The following KCNIP4 variants were observed in gnomAD, a reference collection of about 807,000 sequenced individuals.
The protein encoded by KCNIP4 is potassium voltage-gated channel interacting protein 4, also known as Kv channel-interacting protein 4.
Under a neutral mutation model 34.0 loss-of-function variants are expected in KCNIP4, and 12 were observed. That is an observed-to-expected ratio of 0.35 (90% CI 0.23 to 0.57). The LOEUF (loss-of-function observed/expected upper bound fraction) is 0.57. Among genes scored for constraint, KCNIP4 ranks in the 20% least tolerant of loss-of-function variants. KCNIP4 has a pLI of 0.83. For synonymous variants in KCNIP4, 124 were observed against 102.2 expected (o/e 1.21, Z -1.29); for missense variants, 238 against 311.7 (o/e 0.76, Z 1.78).
At chr4:20,850,763 T>C (rs950044720) in intron 2 of KCNIP4, 96 bp from the exon 3 acceptor site, 26 of 1,388,082 alleles carry the variant, frequency 1.9e-5, no homozygotes, top group African/African-American at 2.9e-5. Context: ...TGTCTGCTAA[T>C]GTCTGTGACT....
intron 1 of KCNIP4, among the ~76,000 whole-genome samples, chr4:21,486,906 G>A (rs373502906): frequency 6.6e-6 from 1 of 151,494 alleles, no homozygotes; most frequent in Non-Finnish European, 1.5e-5. Flanking sequence ...CTGGGCTCAA[G>A]TGATCCTCGG....
intron 1 of KCNIP4, among the ~76,000 whole-genome samples, chr4:21,013,321 T>G (rs1484681913): frequency 6.6e-6 from 1 of 151,742 alleles, no homozygotes; most frequent in Non-Finnish European, 1.5e-5. Flanking sequence ...GGAGGTAGAG[T>G]GGGAACCAGA....
rs193039971 is a variant in KCNIP4, at chr4:21,602,768, G to A, written c.61+345803C>T. Among the ~76,000 whole-genome samples the A allele has an allele frequency of 2.9e-3, 443 of 152,072 alleles. 1 individual carries two copies. The highest frequency in any genetic ancestry group is 5.4e-3 in the Non-Finnish European group (367 of 67,970). ...GTAACTGTACTTACCTAAATTGATA[G>A]GTTCAGAATAAAGAAGGAAGAGTAT... is the stretch of plus-strand genomic sequence containing the variant. On this transcript the variant is annotated intron_variant, in intron 1 of 8. Coordinates refer to ENST00000382152, the MANE Select transcript of KCNIP4 (RefSeq NM_025221.6).
chr4:21,937,950 T>C (rs1176341288), intron 1 of KCNIP4, among the ~76,000 whole-genome samples: 1 of 152,162 alleles, frequency 6.6e-6, no homozygotes. Flanking sequence ...TTGAAATCTA[T>C]CAGTAGTTTT....
At position 21,019,762 on chromosome 4, in the gene KCNIP4, C is replaced by T. The variant is rs1002255481; in HGVS notation, c.62-137053G>A. On this transcript the variant is annotated intron_variant, in intron 1 of 8. Coordinates refer to ENST00000382152, the MANE Select transcript of KCNIP4 (RefSeq NM_025221.6). ...CCTCCCAATTTACTAAAATCATTGC[C>T]ATTACTTTATTAGAATTAATTTATA... 5.9e-5 allele frequency among the ~76,000 whole-genome samples: 9 copies of T among 152,098 alleles called. No individual in the cohort carries two copies. The East Asian group carries it at 1.4e-3, about 23-fold the overall frequency.
At chr4:21,830,503 C>G (rs1015576352) in intron 1 of KCNIP4, among the ~76,000 whole-genome samples, 39 of 151,944 alleles carry the variant, frequency 2.6e-4, no homozygotes, top group African/African-American at 8.9e-4. Context: ...CAATGAAACC[C>G]CGTTTCTACT....
At chr4:21,173,113 G>A (rs1181486846) in intron 1 of KCNIP4, among the ~76,000 whole-genome samples, 1 of 152,126 alleles carries the variant, frequency 6.6e-6, no homozygotes, top group Non-Finnish European at 1.5e-5. Context: ...TCTTCCAAGA[G>A]CGCATCTGAT....
At chr4:21,385,028 A>G (rs149322594) in intron 1 of KCNIP4, among the ~76,000 whole-genome samples, 20 of 152,258 alleles carry the variant, frequency 1.3e-4, no homozygotes, top group African/African-American at 4.6e-4. Context: ...ACTTTATGGA[A>G]CAGGGTTTCC....
chr4:20,853,011 A>G (rs1335480534), intron 2 of KCNIP4, among the ~76,000 whole-genome samples: 1 of 152,192 alleles, frequency 6.6e-6, no homozygotes, highest in Non-Finnish European at 1.5e-5. Context: ...CATGCTGGGT[A>G]GAATCATGGA....
chr4:21,948,142 AG>A (rs1176721402), intron 1 of KCNIP4, among the ~76,000 whole-genome samples: 3 of 152,230 alleles, frequency 2.0e-5, no homozygotes, highest in African/African-American at 7.2e-5. Flanking sequence ...GTTGTAATGA[AG>A]AAACGTGTGG....
chr4:20,950,244 T>C (rs1236047109), intron 1 of KCNIP4, among the ~76,000 whole-genome samples: 1 of 152,012 alleles, frequency 6.6e-6, no homozygotes, highest in Non-Finnish European at 1.5e-5. Flanking sequence ...AGAATACATG[T>C]CTTCCTTACC....
At chr4:21,077,135 A>G (rs986856108) in intron 1 of KCNIP4, among the ~76,000 whole-genome samples, 1 of 152,014 alleles carries the variant, frequency 6.6e-6, no homozygotes, top group African/African-American at 2.4e-5. Flanking sequence ...CAAAAATAAA[A>G]TAAAATAAAT....
chr4:21,909,343 G>T (rs1161848311), intron 1 of KCNIP4, among the ~76,000 whole-genome samples: 2 of 151,886 alleles, frequency 1.3e-5, no homozygotes, highest in Non-Finnish European at 2.9e-5. Context: ...TTCTCCCCCT[G>T]CCTGGAATTT....
chr4:21,311,091 C>A lies in KCNIP4; in HGVS notation c.62-428382G>T, dbSNP rs571379276. Reference sequence around the variant, plus strand: ...TTGCTGAGATAAGTCATACAAAGCACTTAGAACAGAGACTGTCACTGTGTA... The same window carrying A: ...TTGCTGAGATAAGTCATACAAAGCAATTAGAACAGAGACTGTCACTGTGTA... On this transcript the variant is annotated intron_variant, in intron 1 of 8. Coordinates refer to ENST00000382152, the MANE Select transcript of KCNIP4 (RefSeq NM_025221.6). 2.0e-3 allele frequency among the ~76,000 whole-genome samples: 299 copies of A among 152,288 alleles called. 1 individual carries two copies. Among genetic ancestry groups the A allele is most frequent in the Non-Finnish European group, 3.5e-3 (237 of 68,014 alleles).
intron 1 of KCNIP4, among the ~76,000 whole-genome samples, chr4:21,567,582 T>A (rs1293409641): frequency 6.6e-6 from 1 of 152,202 alleles, no homozygotes; most frequent in African/African-American, 2.4e-5. Context: ...GATTTTCTGA[T>A]GTGTACAATG....
At chr4:20,786,003 G>C (rs1037325256) in intron 3 of KCNIP4, among the ~76,000 whole-genome samples, 1 of 152,192 alleles carries the variant, frequency 6.6e-6, no homozygotes, top group Non-Finnish European at 1.5e-5. Context: ...GCACTCATAC[G>C]TTTATCACAG....
intron 1 of KCNIP4, among the ~76,000 whole-genome samples, chr4:21,458,027 T>C (rs935253304): frequency 4.6e-5 from 7 of 151,764 alleles, no homozygotes; most frequent in Non-Finnish European, 7.4e-5. Flanking sequence ...AGTTTTAGGG[T>C]ACACGTGCTC....
rs939503977 is a variant in KCNIP4, at chr4:20,805,195, T to C, written c.288+45348A>G. On this transcript the variant is annotated intron_variant, in intron 3 of 8. Coordinates refer to ENST00000382152, the MANE Select transcript of KCNIP4 (RefSeq NM_025221.6). Reference sequence around the variant, plus strand: ...ATATCATAGATGCTTCCTTTTTTTTTTTTTTTTTTTTTTTTTTTTTTAAAG... The same window carrying C: ...ATATCATAGATGCTTCCTTTTTTTTCTTTTTTTTTTTTTTTTTTTTTAAAG... Among the ~76,000 whole-genome samples, 57 of 143,138 alleles carry C rather than the reference T, an allele frequency of 4.0e-4. 3 individuals are homozygous for C. The highest frequency in any genetic ancestry group is 3.7e-4 in the Non-Finnish European group (24 of 65,568). The allele number at this position is 143,138 out of a possible 152,430, so 93.9% of individuals were successfully genotyped here.
chr4:21,006,259 A>T (rs1380994962), intron 1 of KCNIP4, among the ~76,000 whole-genome samples: 1 of 152,232 alleles, frequency 6.6e-6, no homozygotes, highest in African/African-American at 2.4e-5. Flanking sequence ...AGTAGATAAG[A>T]GAAATTTAGA....
Sources: allele counts gnomAD v4.1 joint callset (sites outside exome capture counted in the v4.1 genomes callset), GRCh38; gene constraint gnomAD v4.1.1; transcripts MANE v1.5; gene names NCBI Gene and HGNC (gene_info 2026-07-23, HGNC 2026-07-21).